The following EFNA5 variants were observed in gnomAD, a reference collection of about 807,000 sequenced individuals.
EFNA5 encodes the protein ephrin-A5.
In EFNA5, 5 loss-of-function variants were observed where a neutral mutation model predicts 22.9. That is an observed-to-expected ratio of 0.22 (90% CI 0.11 to 0.46). The LOEUF is 0.46. Ranked by LOEUF, EFNA5 falls within the 20% of genes least tolerant of loss-of-function variation. The probability of loss-of-function intolerance (pLI) is 0.99; values close to 1 mark genes in which losing one functional copy is unlikely to be tolerated. For synonymous variants in EFNA5, 113 were observed against 112.2 expected (o/e 1.01, Z -0.04); for missense variants, 237 against 293.3 (o/e 0.81, Z 1.40).
chr5:107,668,103 T>A (rs918544233), intron 1 of EFNA5, among the ~76,000 whole-genome samples: 6 of 152,216 alleles, frequency 3.9e-5, no homozygotes, highest in Non-Finnish European at 2.9e-5. Context: ...AATGTGTCCA[T>A]AAATTCCTAA....
intron 1 of EFNA5, among the ~76,000 whole-genome samples, chr5:107,608,212 T>C (rs1156820258): frequency 2.6e-5 from 4 of 152,214 alleles, no homozygotes; most frequent in Non-Finnish European, 5.9e-5. Flanking sequence ...TGCCGGCCTC[T>C]AGGTGTCTTG....
At chr5:107,632,377 T>C (rs530514570) in intron 1 of EFNA5, among the ~76,000 whole-genome samples, 1 of 152,314 alleles carries the variant, frequency 6.6e-6, no homozygotes, top group South Asian at 2.1e-4. Flanking sequence ...TATAACACGT[T>C]AGCAAAATTC....
At chr5:107,574,320 T>A (rs1319077680) in intron 1 of EFNA5, among the ~76,000 whole-genome samples, 1 of 152,050 alleles carries the variant, frequency 6.6e-6, no homozygotes, top group Admixed American at 6.6e-5. Flanking sequence ...GAGTACTCAG[T>A]GTCTTTCTCT....
At chr5:107,381,445 C>T (rs568015909) in intron 4 of EFNA5, 69 bp from the exon 5 acceptor site, 10 of 1,530,290 alleles carry the variant, frequency 6.5e-6, no homozygotes, top group Non-Finnish European at 8.9e-6. Flanking sequence ...CAGCAGCCTG[C>T]TGTTAACAGA....
At chr5:107,667,468 T>TA (rs1751102160) in intron 1 of EFNA5, among the ~76,000 whole-genome samples, 1 of 152,114 alleles carries the variant, frequency 6.6e-6, no homozygotes, top group Non-Finnish European at 1.5e-5. Context: ...ATGTAGAAGA[T>TA]AAACTCCTAC....
chr5:107,448,866 T>TAAATAAATTAAATA lies in EFNA5; in HGVS notation c.126-21358_126-21357insTATTTAATTTATTT, dbSNP rs111606856. On this transcript the variant is annotated intron_variant, in intron 1 of 4. Transcript: ENST00000333274. ...ATAAATAAATAAATAAATAAATAAA[T>TAAATAAATTAAATA]AAATAAAATAAAATAAAAACAAAAA... is the stretch of plus-strand genomic sequence containing the variant. Among the ~76,000 whole-genome samples, 6 of 141,318 alleles carry TAAATAAATTAAATA rather than the reference T, an allele frequency of 4.2e-5. No homozygotes were observed. In the Admixed American group the frequency reaches 4.3e-4, roughly 10 times the overall value. 92.7% of individuals were successfully genotyped at this position (141,318 alleles called of 152,430 possible).
intron 1 of EFNA5, among the ~76,000 whole-genome samples, chr5:107,541,620 T>C (rs543866356): frequency 6.6e-6 from 1 of 152,380 alleles, no homozygotes; most frequent in Middle Eastern, 3.4e-3. Context: ...AGGCAACTTC[T>C]GTGTATGCAC....
chr5:107,507,420 T>A (rs1294032450), intron 1 of EFNA5, among the ~76,000 whole-genome samples: 8 of 152,190 alleles, frequency 5.3e-5, no homozygotes, highest in African/African-American at 1.9e-4. Context: ...ATAACATCCA[T>A]GTAAACTTTA....
At chr5:107,436,115 T>A (rs1042628725) in intron 1 of EFNA5, among the ~76,000 whole-genome samples, 28 of 152,218 alleles carry the variant, frequency 1.8e-4, no homozygotes, top group African/African-American at 6.8e-4. Context: ...CTACTACAAG[T>A]CATGTCAGTC....
chr5:107,488,266 T>C (rs887825201), intron 1 of EFNA5, among the ~76,000 whole-genome samples: 3 of 152,264 alleles, frequency 2.0e-5, no homozygotes, highest in Non-Finnish European at 4.4e-5. Context: ...TATTGATTGA[T>C]TGATTCATTC....
In EFNA5 at chr5:107,556,003, T is replaced by C. The variant is rs141628515; in HGVS notation, c.125+114486A>G. ...ACACAGTCTACGCTGCTGGACACAT[T>C]CATGATTTCCCTTCTTCACACCTTG... On this transcript the variant is annotated intron_variant, in intron 1 of 4. Coordinates refer to ENST00000333274, the MANE Select transcript of EFNA5 (RefSeq NM_001962.3). 5.8e-4 allele frequency among the ~76,000 whole-genome samples: 88 copies of C among 152,300 alleles called. 1 individual carries two copies. Among genetic ancestry groups the C allele is most frequent in the African/African-American group, 2.1e-3 (87 of 41,570 alleles).
chr5:107,616,050 T>C (rs1262099635), intron 1 of EFNA5, among the ~76,000 whole-genome samples: 12 of 152,222 alleles, frequency 7.9e-5, no homozygotes, highest in Non-Finnish European at 1.2e-4. Context: ...AGAAAAACTA[T>C]GTTTGGATTT....
intron 1 of EFNA5, among the ~76,000 whole-genome samples, chr5:107,548,979 C>T (rs139360597): frequency 1.3e-5 from 2 of 152,306 alleles, no homozygotes; most frequent in South Asian, 4.1e-4. Context: ...TACACTTACA[C>T]ATACACATTT....
At chr5:107,629,386 G>C (rs1193022824) in intron 1 of EFNA5, among the ~76,000 whole-genome samples, 1 of 151,914 alleles carries the variant, frequency 6.6e-6, no homozygotes, top group Non-Finnish European at 1.5e-5. Context: ...TTGCATTTTG[G>C]GGGCAATCAA....
At chr5:107,395,227 C>T (rs531636808) in intron 2 of EFNA5, among the ~76,000 whole-genome samples, 28 of 151,678 alleles carry the variant, frequency 1.8e-4, no homozygotes, top group Admixed American at 4.6e-4. Context: ...TTAGTAGAAA[C>T]GGGGTTTCAC....
rs141900252 is a variant in EFNA5, at chr5:107,605,225, C to T, written c.125+65264G>A. 2.4e-3 allele frequency among the ~76,000 whole-genome samples: 363 copies of T among 152,036 alleles called. 2 individuals are homozygous for T. Among genetic ancestry groups the T allele is most frequent in the African/African-American group, 7.4e-3 (307 of 41,426 alleles). On this transcript the variant is annotated intron_variant, in intron 1 of 4. Coordinates refer to ENST00000333274, the MANE Select transcript of EFNA5 (RefSeq NM_001962.3). ...CTGTGTTTATATTCTTCTCCTTCCC[C>T]CTAATGCCTCTTATGGGTATTAGGA...
intron 1 of EFNA5, among the ~76,000 whole-genome samples, chr5:107,591,912 A>ATATTATATAT (rs1328151204): frequency 3.5e-3 from 25 of 7,162 alleles, no homozygotes; most frequent in African/African-American, 0.027. Flanking sequence ...ATATAATATA[A>ATATTATATAT]AAAATATATA....
At chr5:107,561,530 G>A (rs556278114) in intron 1 of EFNA5, among the ~76,000 whole-genome samples, 19 of 152,036 alleles carry the variant, frequency 1.2e-4, no homozygotes, top group Middle Eastern at 3.4e-3. Context: ...CACCATGCCC[G>A]GCTAATATTT....
chr5:107,534,465 A>G (rs565480716), intron 1 of EFNA5, among the ~76,000 whole-genome samples: 1 of 152,340 alleles, frequency 6.6e-6, no homozygotes, highest in South Asian at 2.1e-4. Context: ...ATCTTTAAAT[A>G]CATAATACTA....
Sources: gnomAD v4.1 joint callset for allele counts (sites outside exome capture counted in the v4.1 genomes callset) on GRCh38, gnomAD v4.1.1 for gene constraint, MANE v1.5 for transcripts, NCBI Gene and HGNC (gene_info 2026-07-23, HGNC 2026-07-21) for gene names.